The following PITPNC1 variants were observed in gnomAD, a reference collection of about 807,000 sequenced individuals.
PITPNC1 encodes phosphatidylinositol transfer protein cytoplasmic 1.
Under a neutral mutation model 44.7 loss-of-function variants are expected in PITPNC1, and 18 were observed. That is an observed-to-expected ratio of 0.40 (90% CI 0.28 to 0.60). PITPNC1 has a LOEUF of 0.60. Among genes scored for constraint, PITPNC1 ranks in the 20% least tolerant of loss-of-function variants. PITPNC1 has a pLI of 0.39. For missense variants in PITPNC1, 290 were observed against 418.4 expected, an observed-to-expected ratio of 0.69 and a Z score of 2.68; for synonymous variants, 141 against 149.6, an observed-to-expected ratio of 0.94 and a Z score of 0.42.
At chr17:67,550,552 C>T (rs1360821528) in intron 2 of PITPNC1, among the ~76,000 whole-genome samples, 1 of 151,944 alleles carries the variant, frequency 6.6e-6, no homozygotes, top group Admixed American at 6.6e-5. Context: ...CCCTTCCAGC[C>T]TCCTGGTTCT....
chr17:67,548,693 C>A (rs2040717905), intron 2 of PITPNC1, among the ~76,000 whole-genome samples: 1 of 152,154 alleles, frequency 6.6e-6, no homozygotes, highest in South Asian at 2.1e-4. Context: ...CTTGTGGTAT[C>A]ATTTTGCCCC....
intron 2 of PITPNC1, among the ~76,000 whole-genome samples, chr17:67,536,272 G>GT (rs1242122553): frequency 9.9e-5 from 15 of 152,162 alleles, no homozygotes; most frequent in African/African-American, 3.6e-4. Flanking sequence ...TAGATTTTCT[G>GT]TTTTTCTTTT....
intron 5 of PITPNC1, chr17:67,611,927 A>T (rs1311350967): frequency 6.6e-6 from 1 of 152,256 alleles, no homozygotes; most frequent in Non-Finnish European, 1.5e-5. Context: ...TAACGAAAGT[A>T]ACAACAGCGA....
intron 1 of PITPNC1, among the ~76,000 whole-genome samples, chr17:67,451,799 G>A (rs1421062474): frequency 6.6e-6 from 1 of 151,946 alleles, no homozygotes; most frequent in Non-Finnish European, 1.5e-5. Flanking sequence ...CATCACGCCT[G>A]GCTAATTTTT....
chr17:67,488,668 C>A (rs909821493), intron 1 of PITPNC1, among the ~76,000 whole-genome samples: 5 of 152,190 alleles, frequency 3.3e-5, no homozygotes, highest in African/African-American at 1.2e-4. Flanking sequence ...GTACCAGTAT[C>A]ACCACTATCC....
intron 1 of PITPNC1, among the ~76,000 whole-genome samples, chr17:67,489,474 C>T (rs1018387462): frequency 6.6e-6 from 1 of 152,224 alleles, no homozygotes; most frequent in African/African-American, 2.4e-5. Flanking sequence ...GTTATGGTGG[C>T]CTCAAGTCTG....
chr17:67,675,313 T>A (rs542970198), intron 7 of PITPNC1, among the ~76,000 whole-genome samples, 166 bp from the exon 8 acceptor site: 1 of 152,266 alleles, frequency 6.6e-6, no homozygotes, highest in South Asian at 2.1e-4. Context: ...GCTGGAGGTG[T>A]GTGAGCACTA....
chr17:67,450,807 G>A (rs1052121251), intron 1 of PITPNC1, among the ~76,000 whole-genome samples: 1 of 152,102 alleles, frequency 6.6e-6, no homozygotes, highest in Non-Finnish European at 1.5e-5. Context: ...TTCACTTTCA[G>A]AACTTTTTCA....
intron 1 of PITPNC1, among the ~76,000 whole-genome samples, chr17:67,403,978 C>T (rs1389310795): frequency 2.6e-5 from 4 of 152,156 alleles, no homozygotes; most frequent in Non-Finnish European, 5.9e-5. Context: ...GCCGAGATTG[C>T]GCCGCTGCTC....
At chr17:67,419,048 G>A (rs539445510) in intron 1 of PITPNC1, among the ~76,000 whole-genome samples, 1 of 152,250 alleles carries the variant, frequency 6.6e-6, no homozygotes, top group East Asian at 1.9e-4. Flanking sequence ...TTTTATGAAA[G>A]CTCCCCAGGT....
chr17:67,450,516 C>T (rs1889012158), intron 1 of PITPNC1, among the ~76,000 whole-genome samples: 1 of 152,184 alleles, frequency 6.6e-6, no homozygotes, highest in African/African-American at 2.4e-5. Context: ...GCCTCACCCT[C>T]TCCGGCTCAA....
At chr17:67,469,444 A>AG (rs1002788109) in intron 1 of PITPNC1, among the ~76,000 whole-genome samples, 1 of 152,156 alleles carries the variant, frequency 6.6e-6, no homozygotes, top group African/African-American at 2.4e-5. Context: ...TTGCTGAATC[A>AG]GCCTCTGTGT....
At chr17:67,547,152 A>G (rs915550585) in intron 2 of PITPNC1, among the ~76,000 whole-genome samples, 1 of 152,232 alleles carries the variant, frequency 6.6e-6, no homozygotes, top group Non-Finnish European at 1.5e-5. Flanking sequence ...TCAGTGCAGA[A>G]CATGGCAGGT....
intron 1 of PITPNC1, among the ~76,000 whole-genome samples, chr17:67,411,204 A>G (rs867997465): frequency 1.4e-4 from 21 of 152,114 alleles, no homozygotes; most frequent in Non-Finnish European, 1.5e-4. Context: ...AATCCTGCCC[A>G]TAATGATGAG....
chr17:67,423,269 A>G (rs1176012549), intron 1 of PITPNC1, among the ~76,000 whole-genome samples: 1 of 152,212 alleles, frequency 6.6e-6, no homozygotes, highest in African/African-American at 2.4e-5. Flanking sequence ...TAGCTTTCAA[A>G]TCACTGGATA....
chr17:67,416,719 C>G (rs553117436), intron 1 of PITPNC1, among the ~76,000 whole-genome samples: 1 of 152,308 alleles, frequency 6.6e-6, no homozygotes, highest in East Asian at 1.9e-4. Flanking sequence ...TTTTATGCAA[C>G]TTGGCACCTA....
At chr17:67,431,447 T>C (rs2038856426) in intron 1 of PITPNC1, among the ~76,000 whole-genome samples, 1 of 152,198 alleles carries the variant, frequency 6.6e-6, no homozygotes, top group Non-Finnish European at 1.5e-5. Flanking sequence ...CCATTATTCA[T>C]GATGGGAACT....
At chr17:67,688,155 A>C (rs1388990438) in intron 8 of PITPNC1, among the ~76,000 whole-genome samples, 1 of 151,540 alleles carries the variant, frequency 6.6e-6, no homozygotes, top group Non-Finnish European at 1.5e-5. Context: ...CCTGACCAAC[A>C]TGGAGAAACC....
At chr17:67,463,341 C>T (rs182162285) in intron 1 of PITPNC1, among the ~76,000 whole-genome samples, 2 of 152,178 alleles carry the variant, frequency 1.3e-5, no homozygotes, top group Admixed American at 6.5e-5. Flanking sequence ...ATTGATTAAT[C>T]ACTTAATTGA....
Sources: allele counts gnomAD v4.1 joint callset (sites outside exome capture counted in the v4.1 genomes callset), GRCh38; gene constraint gnomAD v4.1.1; transcripts MANE v1.5; gene names NCBI Gene and HGNC (gene_info 2026-07-23, HGNC 2026-07-21).